The following PRKCE variants were observed in gnomAD, a reference collection of about 807,000 sequenced individuals.
PRKCE encodes the protein protein kinase C epsilon.
In PRKCE, 16 loss-of-function variants were observed where a neutral mutation model predicts 85.4. The ratio of observed to expected loss-of-function variants is 0.19; its 90% confidence interval spans 0.13 to 0.28. PRKCE has a LOEUF of 0.28. Among genes scored for constraint, PRKCE ranks in the 10% least tolerant of loss-of-function variants. The probability of loss-of-function intolerance (pLI) is 1.00; values close to 1 mark genes in which losing one functional copy is unlikely to be tolerated. For missense variants in PRKCE, 573 were observed against 975.2 expected (o/e 0.59, Z 5.49); for synonymous variants, 388 against 371.5 (o/e 1.04, Z -0.51).
chr2:46,013,990 G>C (rs1705907804), intron 10 of PRKCE, among the ~76,000 whole-genome samples: 2 of 152,200 alleles, frequency 1.3e-5, no homozygotes, highest in South Asian at 4.1e-4. Flanking sequence ...TTCAGGTCTG[G>C]TCAGTGCAGC....
intron 2 of PRKCE, among the ~76,000 whole-genome samples, chr2:45,857,276 G>A (rs1215911605): frequency 6.6e-6 from 1 of 152,194 alleles, no homozygotes; most frequent in Non-Finnish European, 1.5e-5. Context: ...TTATTATGGA[G>A]GATTCCATTA....
intron 2 of PRKCE, among the ~76,000 whole-genome samples, chr2:45,974,590 A>C (rs1702318354): frequency 6.6e-6 from 1 of 152,176 alleles, no homozygotes; most frequent in Non-Finnish European, 1.5e-5. Flanking sequence ...CACGCTGCGC[A>C]TTTGGTCCTG....
chr2:45,976,648 G>T, intron 3 of PRKCE, 60 bp downstream of exon 3: 3 of 1,560,948 alleles, frequency 1.9e-6, no homozygotes, highest in Non-Finnish European at 2.6e-6. Flanking sequence ...TGTCGGGGAT[G>T]GGGTAGGGGA....
intron 10 of PRKCE, among the ~76,000 whole-genome samples, chr2:46,054,599 C>T (rs939198887): frequency 1.3e-5 from 2 of 152,188 alleles, no homozygotes; most frequent in Non-Finnish European, 2.9e-5. Flanking sequence ...CACACAGAAT[C>T]TCAGGGCTTG....
At chr2:45,875,524 A>G (rs1038059092) in intron 2 of PRKCE, among the ~76,000 whole-genome samples, 2 of 152,240 alleles carry the variant, frequency 1.3e-5, no homozygotes, top group Non-Finnish European at 2.9e-5. Flanking sequence ...GACACCTTGC[A>G]TGTATCAAGC....
chr2:46,030,052 C>A (rs781058570), intron 10 of PRKCE, among the ~76,000 whole-genome samples: 19 of 152,144 alleles, frequency 1.2e-4, no homozygotes, highest in Non-Finnish European at 2.6e-4. Context: ...TATTTCCCAC[C>A]AGGGAGTAAT....
rs143564041 is a variant in PRKCE at position 45,768,304 on chromosome 2, C to A, written c.349-74696C>A. The stretch of plus-strand genomic sequence containing the variant: ...CTTTTTTCCTTGGCCTTATCCTGGC[C>A]TGGCTCTAATTATCTACAGAGACAT... On this transcript the variant is annotated intron_variant, in intron 1 of 14. Transcript: ENST00000306156. Among the ~76,000 whole-genome samples, 45 of 152,348 alleles carry A rather than the reference C, an allele frequency of 3.0e-4. No individual in the cohort carries two copies. The East Asian group carries it at 6.2e-3, about 21-fold the overall frequency.
At chr2:46,144,942 C>T (rs922710574) in intron 11 of PRKCE, 151 bp from the exon 12 acceptor site, 7 of 1,131,250 alleles carry the variant, frequency 6.2e-6, no homozygotes, top group Non-Finnish European at 8.9e-6. Context: ...TGAGAGAGAG[C>T]CCCTGGACTG....
intron 1 of PRKCE, among the ~76,000 whole-genome samples, chr2:45,702,491 A>G (rs778629465): frequency 1.3e-5 from 2 of 152,168 alleles, no homozygotes; most frequent in Non-Finnish European, 2.9e-5. Context: ...CTCGGTCAGC[A>G]TGGTCAGTTT....
chr2:45,971,242 T>G (rs1346639851), intron 2 of PRKCE, among the ~76,000 whole-genome samples: 1 of 152,204 alleles, frequency 6.6e-6, no homozygotes, highest in Non-Finnish European at 1.5e-5. Flanking sequence ...CCACGTTAGA[T>G]TCCTCATATA....
At chr2:45,988,459 A>G (rs1175061497) in intron 6 of PRKCE, among the ~76,000 whole-genome samples, 1 of 152,126 alleles carries the variant, frequency 6.6e-6, no homozygotes, top group African/African-American at 2.4e-5. Context: ...TGACAAGGAA[A>G]TGGAAATCTG....
intron 11 of PRKCE, among the ~76,000 whole-genome samples, chr2:46,143,398 T>G (rs966586813): frequency 1.3e-5 from 2 of 152,082 alleles, no homozygotes; most frequent in Non-Finnish European, 2.9e-5. Flanking sequence ...ACTCAGACAT[T>G]TGCAAGTGGG....
chr2:46,159,682 C>T lies in PRKCE; in HGVS notation c.1997C>T (p.Pro666Leu). The T allele has an allele frequency of 6.3e-7, 1 of 1,599,560 alleles. No homozygotes were observed. Residue 666 changes from proline (P) to leucine (L), a missense_variant, in exon 14 of 15, where the codon CCA (proline) becomes CTA (leucine). This residue lies in a region of PRKCE where 72 missense variants were observed against 166.0 expected (regional missense o/e 0.43). Coordinates refer to ENST00000306156, the MANE Select transcript of PRKCE (RefSeq NM_005400.3). This position sits in a 1 kb window ranked among gnomAD's most constrained non-coding sequence, Gnocchi z 4.1. ...GGCGAGGACGCCATCAAGCAGCACC[C>T]ATTCTTCAAAGAGATTGACTGGGTG... Reference protein sequence around the residue: ...QNGEDAIKQHPFFKEIDWVLL... With the variant: ...QNGEDAIKQHLFFKEIDWVLL...
chr2:45,980,795 C>A (rs1450587404), intron 5 of PRKCE, among the ~76,000 whole-genome samples: 1 of 152,026 alleles, frequency 6.6e-6, no homozygotes, highest in Non-Finnish European at 1.5e-5. Flanking sequence ...ATGAGCAAGC[C>A]CAAGGAATAC....
Position 46,159,599 on chromosome 2 carries a change from C to T in PRKCE, c.1921-7C>T. On this transcript the variant is annotated splice_region_variant and splice_polypyrimidine_tract_variant and intron_variant, in intron 13 of 14. Coordinates refer to ENST00000306156, the MANE Select transcript of PRKCE (RefSeq NM_005400.3). The surrounding 1 kb of genome is among the most constrained non-coding windows in gnomAD (Gnocchi z 4.1). Reference sequence around the variant, plus strand: ...CACTAATTCCGACTCTGTCCTCATCCCTGCAGTTCATGACGAAGAATCCCC... The same window carrying T: ...CACTAATTCCGACTCTGTCCTCATCTCTGCAGTTCATGACGAAGAATCCCC... 1 of 1,590,728 alleles carries T rather than the reference C, an allele frequency of 6.3e-7. No individual in the cohort carries two copies.
chr2:45,856,118 G>T (rs1200976620), intron 2 of PRKCE, among the ~76,000 whole-genome samples: 3 of 151,740 alleles, frequency 2.0e-5, no homozygotes, highest in African/African-American at 7.3e-5. Context: ...TGTATTTCTG[G>T]GATACAATGT....
intron 1 of PRKCE, among the ~76,000 whole-genome samples, chr2:45,820,349 C>T (rs527398795): frequency 9.9e-5 from 15 of 151,654 alleles, no homozygotes; most frequent in Admixed American, 9.2e-4. Flanking sequence ...ACTCCAGGAT[C>T]GAGAGGGTAA....
At chr2:45,834,447 A>G (rs767398940) in intron 1 of PRKCE, among the ~76,000 whole-genome samples, 1 of 152,264 alleles carries the variant, frequency 6.6e-6, no homozygotes, top group East Asian at 1.9e-4. Flanking sequence ...AAATGGGCGT[A>G]GAATAAAGAA....
intron 1 of PRKCE, among the ~76,000 whole-genome samples, chr2:45,829,929 CG>C (rs1359437979): frequency 6.6e-6 from 1 of 151,460 alleles, no homozygotes; most frequent in Non-Finnish European, 1.5e-5. Flanking sequence ...AAAAATTAGC[CG>C]GGCGTGGTAG....
Sources: allele counts gnomAD v4.1 joint callset (sites outside exome capture counted in the v4.1 genomes callset), GRCh38; gene constraint gnomAD v4.1.1; regional missense constraint gnomAD v4.1.1; non-coding constraint Gnocchi (gnomAD v3.1); transcripts MANE v1.5; gene names NCBI Gene and HGNC (gene_info 2026-07-23, HGNC 2026-07-21).